HECW2: variants seen among roughly 807,000 people sequenced by gnomAD.
HECW2 encodes the protein HECT, C2 and WW domain containing E3 ubiquitin protein ligase 2.
HECW2 carries 61 observed loss-of-function variants against 175.2 expected under a neutral mutation model. That is an observed-to-expected ratio of 0.35 (90% CI 0.28 to 0.43). The LOEUF (loss-of-function observed/expected upper bound fraction) is 0.43, where lower values mean the gene tolerates loss of function less well. Among genes scored for constraint, HECW2 ranks in the 20% least tolerant of loss-of-function variants. The probability of loss-of-function intolerance (pLI) is 1.00; values close to 1 mark genes in which losing one functional copy is unlikely to be tolerated. For synonymous variants in HECW2, 671 were observed against 731.0 expected, an observed-to-expected ratio of 0.92 and a Z score of 1.32; for missense variants, 1,524 against 2,000.5, an observed-to-expected ratio of 0.76 and a Z score of 4.54.
At chr2:196,499,252 A>C (rs1295955639) in intron 1 of HECW2, among the ~76,000 whole-genome samples, 5 of 152,116 alleles carry the variant, frequency 3.3e-5, no homozygotes, top group African/African-American at 7.2e-5. Context: ...TAGAAACCAG[A>C]AATGGAAATA....
At chr2:196,430,346 C>A (rs1190691134) in intron 2 of HECW2, among the ~76,000 whole-genome samples, 1 of 151,650 alleles carries the variant, frequency 6.6e-6, no homozygotes, top group African/African-American at 2.4e-5. Context: ...GAATTTCTAC[C>A]ACATAGAATC....
intron 1 of HECW2, among the ~76,000 whole-genome samples, chr2:196,571,304 T>C (rs1690377227): frequency 6.6e-6 from 1 of 152,202 alleles, no homozygotes; most frequent in Non-Finnish European, 1.5e-5. Flanking sequence ...AGTGAGGTAA[T>C]GTCTAATGTT....
chr2:196,356,880 C>T (rs751054717), intron 2 of HECW2, among the ~76,000 whole-genome samples: 1 of 152,108 alleles, frequency 6.6e-6, no homozygotes, highest in African/African-American at 2.4e-5. Context: ...GCACTATCTG[C>T]AGGTTCAGAA....
At chr2:196,208,403 G>A in intron 28 of HECW2, among the ~76,000 whole-genome samples, 1 of 152,214 alleles carries the variant, frequency 6.6e-6, no homozygotes, top group East Asian at 1.9e-4. Context: ...TGGAGTACAT[G>A]TGCTAAGCAC....
intron 1 of HECW2, among the ~76,000 whole-genome samples, chr2:196,485,003 T>C (rs1192201094): frequency 2.0e-5 from 3 of 152,058 alleles, no homozygotes; most frequent in Non-Finnish European, 4.4e-5. Context: ...CAACCCAGTA[T>C]GGTTGGAGAG....
At chr2:196,362,363 A>G (rs1008548642) in intron 2 of HECW2, 175 of 163,792 alleles carry the variant, frequency 1.1e-3, no homozygotes, top group African/African-American at 4.0e-3. Context: ...ACACACACAC[A>G]CACACACACA....
chr2:196,289,374 C>T (rs1162011696), intron 14 of HECW2: 2 of 152,172 alleles, frequency 1.3e-5, no homozygotes, highest in African/African-American at 2.4e-5. Context: ...TTCAAATGTT[C>T]TAGAAGCACA....
At chr2:196,541,002 G>A (rs1320518016) in intron 1 of HECW2, among the ~76,000 whole-genome samples, 1 of 152,092 alleles carries the variant, frequency 6.6e-6, no homozygotes, top group Non-Finnish European at 1.5e-5. Context: ...GTGCCCTTCC[G>A]TCAATCAGTA....
intron 10 of HECW2, among the ~76,000 whole-genome samples, chr2:196,310,861 A>T (rs1691472474): frequency 6.6e-6 from 1 of 151,886 alleles, no homozygotes. Context: ...ACAAGACCTT[A>T]AAAAAAGTCA....
chr2:196,203,301 CGCAAATTGA>C (rs1686937803), intron 28 of HECW2, among the ~76,000 whole-genome samples: 1 of 152,004 alleles, frequency 6.6e-6, no homozygotes, highest in Non-Finnish European at 1.5e-5. Flanking sequence ...TAGACTGGAA[CGCAAATTGA>C]GCCTCAAGAA....
intron 2 of HECW2, among the ~76,000 whole-genome samples, chr2:196,426,869 G>A (rs1695563117): frequency 6.6e-6 from 1 of 152,026 alleles, no homozygotes; most frequent in South Asian, 2.1e-4. Context: ...TAATGCTTTG[G>A]TTTACTATTG....
At chr2:196,566,124 G>GA (rs924405797) in intron 1 of HECW2, among the ~76,000 whole-genome samples, 30 of 145,832 alleles carry the variant, frequency 2.1e-4, no homozygotes, top group South Asian at 4.3e-4. Context: ...ATTTTAGAAG[G>GA]AAAAAAAAAA....
chr2:196,507,144 G>T (rs1204717619), intron 1 of HECW2, among the ~76,000 whole-genome samples: 1 of 51,572 alleles, frequency 1.9e-5, no homozygotes, highest in Non-Finnish European at 4.1e-5. Context: ...ACACACGTTA[G>T]TGTGTATATT....
chr2:196,218,986 C>A (rs1424136355), intron 26 of HECW2, among the ~76,000 whole-genome samples: 1 of 152,150 alleles, frequency 6.6e-6, no homozygotes, highest in Non-Finnish European at 1.5e-5. Context: ...CTGGAACAGG[C>A]AAGCACAGGC....
At chr2:196,201,415 T>C (rs1686853059) in intron 28 of HECW2, 27 bp from the exon 29 acceptor site, 1 of 1,503,108 alleles carries the variant, frequency 6.7e-7, no homozygotes, top group Admixed American at 1.7e-5. Context: ...CAGCACATAG[T>C]TTAGAACAGG....
At chr2:196,441,348 T>G (rs1696034168) in intron 1 of HECW2, among the ~76,000 whole-genome samples, 1 of 136,362 alleles carries the variant, frequency 7.3e-6, no homozygotes, top group South Asian at 2.5e-4. Flanking sequence ...CCCTTCAAAT[T>G]CCAAAAGACA....
At chr2:196,227,166 T>C (rs1037135139) in intron 22 of HECW2, among the ~76,000 whole-genome samples, 9 of 152,208 alleles carry the variant, frequency 5.9e-5, no homozygotes, top group Non-Finnish European at 1.2e-4. Context: ...AAATTGCAGC[T>C]AAACAGAAGT....
At chr2:196,337,740 G>C (rs2105812880) in intron 3 of HECW2, among the ~76,000 whole-genome samples, 1 of 151,086 alleles carries the variant, frequency 6.6e-6, no homozygotes, top group East Asian at 1.9e-4. Flanking sequence ...TGCCTCAGAG[G>C]GCAGTGAGCT....
At chr2:196,477,873 G>T (rs968368538) in intron 1 of HECW2, among the ~76,000 whole-genome samples, 2 of 152,078 alleles carry the variant, frequency 1.3e-5, no homozygotes, top group Admixed American at 1.3e-4. Flanking sequence ...CCAACATGGC[G>T]AAACCCCGTC....
Sources: allele counts gnomAD v4.1 joint callset (sites outside exome capture counted in the v4.1 genomes callset), GRCh38; gene constraint gnomAD v4.1.1; transcripts MANE v1.5; gene names NCBI Gene and HGNC (gene_info 2026-07-23, HGNC 2026-07-21).